MEOX2: variants seen among roughly 807,000 people sequenced by gnomAD.
MEOX2 encodes the protein mesenchyme homeobox 2.
MEOX2 carries 11 observed loss-of-function variants against 27.0 expected under a neutral mutation model. The observed-to-expected ratio is 0.41, with a 90% CI of 0.26 to 0.68. The LOEUF (loss-of-function observed/expected upper bound fraction) is 0.68. Ranked by LOEUF, MEOX2 falls within the 30% of genes least tolerant of loss-of-function variation. The pLI is 0.33. For missense variants in MEOX2, 436 were observed against 385.4 expected (o/e 1.13, Z -1.10); for synonymous variants, 189 against 155.4 (o/e 1.22, Z -1.61).
At chr7:15,616,447 C>G (rs1488668372) in intron 2 of MEOX2, among the ~76,000 whole-genome samples, 2 of 151,616 alleles carry the variant, frequency 1.3e-5, no homozygotes, top group Non-Finnish European at 3.0e-5. Context: ...TTAGCAATCC[C>G]CCCAACAAAA....
At chr7:15,641,647 C>T (rs1562602643) in intron 1 of MEOX2, among the ~76,000 whole-genome samples, 1 of 151,996 alleles carries the variant, frequency 6.6e-6, no homozygotes, top group Non-Finnish European at 1.5e-5. Flanking sequence ...GGTTTTGTTC[C>T]TCTAATAGTG....
At chr7:15,641,167 A>C (rs1045820199) in intron 1 of MEOX2, among the ~76,000 whole-genome samples, 3 of 151,818 alleles carry the variant, frequency 2.0e-5, no homozygotes, top group African/African-American at 7.3e-5. Context: ...TTTAATTGGT[A>C]GATGTTTTTT....
At chr7:15,616,133 G>T (rs1781120013) in intron 2 of MEOX2, among the ~76,000 whole-genome samples, 1 of 151,550 alleles carries the variant, frequency 6.6e-6, no homozygotes, top group Non-Finnish European at 1.5e-5. Context: ...CATATGAATA[G>T]ATATAAACAT....
At chr7:15,616,927 TG>T (rs1781132771) in intron 2 of MEOX2, among the ~76,000 whole-genome samples, 1 of 152,000 alleles carries the variant, frequency 6.6e-6, no homozygotes, top group African/African-American at 2.4e-5. Context: ...GAAATGTAAA[TG>T]TAACTTATTT....
In MEOX2 at chr7:15,686,333, G is replaced by C. The variant is rs757076676; in HGVS notation, c.70C>G (p.Gln24Glu). ...ATAQGLHPFS[Q>E]SSLALHGRSD... Reference sequence around the variant, plus strand: ...CTTCCATGGAGGGCGAGAGAGGATTGGGAGAACGGGTGCAAGCCTTGCGCC... The same window carrying C: ...CTTCCATGGAGGGCGAGAGAGGATTCGGAGAACGGGTGCAAGCCTTGCGCC... The change falls in exon 1 of 3, where the codon CAA becomes GAA. Residue 24 changes from glutamine (Q) to glutamate (E), a missense_variant. Transcript: ENST00000262041. 1 of 1,602,756 alleles carries C rather than the reference G, an allele frequency of 6.2e-7. No individual in the cohort carries two copies. The highest frequency in any genetic ancestry group is 1.1e-5 in the South Asian group (1 of 89,192).
In MEOX2 at chr7:15,672,871, A is replaced by G. The variant is rs148678350; in HGVS notation, c.517+13015T>C. ...CGTGCCACCGCACTCCAGCCTGGGC[A>G]ACAGAGCGAGATTCTGTCTTGAAAA... On this transcript the variant is annotated intron_variant, in intron 1 of 2. Transcript: ENST00000262041. 8.7e-3 allele frequency among the ~76,000 whole-genome samples: 1,318 copies of G among 151,630 alleles called. 21 individuals carry two copies. The highest frequency in any genetic ancestry group is 0.03 in the African/African-American group (1,250 of 41,348).
chr7:15,682,394 T>A (rs1782308094), intron 1 of MEOX2, among the ~76,000 whole-genome samples: 1 of 151,832 alleles, frequency 6.6e-6, no homozygotes, highest in Admixed American at 6.6e-5. Context: ...TATTTGCTAG[T>A]CATTCTGCAT....
At chr7:15,616,547 T>C (rs1781126022) in intron 2 of MEOX2, among the ~76,000 whole-genome samples, 1 of 151,924 alleles carries the variant, frequency 6.6e-6, no homozygotes, top group African/African-American at 2.4e-5. Context: ...TAGTATAATT[T>C]AGTATCACTT....
chr7:15,637,884 G>T (rs1242421481), intron 1 of MEOX2, among the ~76,000 whole-genome samples: 1 of 152,040 alleles, frequency 6.6e-6, no homozygotes, highest in African/African-American at 2.4e-5. Context: ...AGAATTTAAA[G>T]TGTGTATATC....
At chr7:15,630,628 T>C (rs1275505044) in intron 1 of MEOX2, among the ~76,000 whole-genome samples, 2 of 152,052 alleles carry the variant, frequency 1.3e-5, no homozygotes, top group Non-Finnish European at 2.9e-5. Flanking sequence ...CCTCAGCATA[T>C]TGCTGTAACT....
At chr7:15,675,166 A>G (rs1482824100) in intron 1 of MEOX2, among the ~76,000 whole-genome samples, 1 of 152,344 alleles carries the variant, frequency 6.6e-6, no homozygotes, top group African/African-American at 2.4e-5. Context: ...TCACATAAAT[A>G]TCTACTATTT....
chr7:15,679,533 AACAGCTTTTGAAT>A (rs1782259405), intron 1 of MEOX2: 5 of 152,128 alleles, frequency 3.3e-5, no homozygotes, highest in African/African-American at 1.2e-4. Flanking sequence ...TTTGAAGAGC[AACAGCTTTTGAAT>A]TTAGAGCTAT....
At chr7:15,615,200 C>T (rs909295155) in intron 2 of MEOX2, among the ~76,000 whole-genome samples, 4 of 151,906 alleles carry the variant, frequency 2.6e-5, no homozygotes, top group Non-Finnish European at 4.4e-5. Context: ...TATTCTAATA[C>T]AGTTTTCCAG....
At chr7:15,621,074 G>A (rs1781216405) in intron 2 of MEOX2, among the ~76,000 whole-genome samples, 1 of 152,178 alleles carries the variant, frequency 6.6e-6, no homozygotes, top group Admixed American at 6.5e-5. Context: ...AAAAACGCCA[G>A]AATAAGCTTG....
Position 15,612,376 on chromosome 7 carries a change from C to T in MEOX2, c.*11G>A. 6.2e-7 allele frequency: 1 copy of T among 1,607,814 alleles called. No homozygotes were observed. Among genetic ancestry groups the T allele is most frequent in the Non-Finnish European group, 8.5e-7 (1 of 1,174,636 alleles). On this transcript the variant is annotated 3_prime_UTR_variant, in exon 3 of 3. Coordinates refer to ENST00000262041, the MANE Select transcript of MEOX2 (RefSeq NM_005924.5). ...TTCTTTCCTGAGAATGGAGCTGGTC[C>T]TCTGTTTATATCATAAGTGCGCATG...
At chr7:15,673,910 A>G (rs993354068) in intron 1 of MEOX2, among the ~76,000 whole-genome samples, 1 of 152,148 alleles carries the variant, frequency 6.6e-6, no homozygotes. Flanking sequence ...ATTAAGCATC[A>G]TATTCCAAAG....
intron 1 of MEOX2, among the ~76,000 whole-genome samples, chr7:15,663,728 A>C (rs1781952202): frequency 6.6e-6 from 1 of 152,222 alleles, no homozygotes; most frequent in Non-Finnish European, 1.5e-5. Context: ...GGTTGGGACT[A>C]TTATAAATTA....
chr7:15,676,596 C>T (rs4380818), intron 1 of MEOX2, among the ~76,000 whole-genome samples: 42,933 of 151,906 alleles, frequency 0.28, 6,727 homozygotes, highest in Admixed American at 0.36. Flanking sequence ...TCTGGCCGGG[C>T]GCGGTGGCTC....
At chr7:15,671,029 A>C (rs1265532552) in intron 1 of MEOX2, among the ~76,000 whole-genome samples, 1 of 152,212 alleles carries the variant, frequency 6.6e-6, no homozygotes, top group Non-Finnish European at 1.5e-5. Flanking sequence ...ACAAATAAAT[A>C]AGATTTGCCA....
Sources: gnomAD v4.1 joint callset for allele counts (sites outside exome capture counted in the v4.1 genomes callset) on GRCh38, gnomAD v4.1.1 for gene constraint, MANE v1.5 for transcripts, NCBI Gene and HGNC (gene_info 2026-07-23, HGNC 2026-07-21) for gene names.